The following EXOG variants were observed in gnomAD, a reference collection of about 807,000 sequenced individuals.
EXOG encodes nuclease EXOG, mitochondrial.
EXOG carries 27 observed loss-of-function variants against 25.8 expected under a neutral mutation model. That is an observed-to-expected ratio of 1.05 (90% CI 0.77 to 1.45). The LOEUF is 1.45. Ranked by LOEUF, EXOG falls within the 40% of genes most tolerant of loss-of-function variation. The probability of loss-of-function intolerance (pLI) is 0.00; values close to 1 mark genes in which losing one functional copy is unlikely to be tolerated. For synonymous variants in EXOG, 133 were observed against 167.0 expected (o/e 0.80, Z 1.57); for missense variants, 458 against 450.5 (o/e 1.02, Z -0.15).
chr3:38,497,629 G>A lies in EXOG; in HGVS notation c.164G>A (p.Gly55Glu). The A allele has an allele frequency of 1.3e-6, 2 of 1,506,874 alleles. No homozygotes were observed. Among genetic ancestry groups the A allele is most frequent in the South Asian group, 1.3e-5 (1 of 78,264 alleles). 93.3% of individuals were successfully genotyped at this position (1,506,874 alleles called of 1,614,324 possible). A position where few individuals can be genotyped will look rare whatever the true frequency, so the allele number is the denominator to read the frequency against. Residue 55 changes from glycine to glutamate, a missense_variant and splice_region_variant, in exon 2 of 6, where the codon GGA becomes GAA. Transcript: ENST00000287675. ...EGALTGKQPD[G>E]SAEKAVLEQF... ...CTTTTTTTTTTTTTTTCATTTTTAGGATCTGCAGAAAAGGCTGTCTTGGAA... is the reference window on the plus strand; with the variant it reads ...CTTTTTTTTTTTTTTTCATTTTTAGAATCTGCAGAAAAGGCTGTCTTGGAA...
intron 3 of EXOG, 90 bp downstream of exon 3, chr3:38,501,584 C>T (rs769745803): frequency 8.8e-6 from 10 of 1,142,474 alleles, no homozygotes; most frequent in Non-Finnish European, 1.0e-5. Flanking sequence ...GGAGCCAAAC[C>T]TTAAAACTTG....
intron 5 of EXOG, chr3:38,523,174 G>A (rs752341174): frequency 7.8e-7 from 1 of 1,284,412 alleles, no homozygotes. Context: ...TATTTCTAGA[G>A]CTGGGAGTAC....
rs556274788 is a variant in EXOG, at chr3:38,524,492, G to C, written c.*130G>C. 2 of 1,409,674 alleles carry C rather than the reference G, an allele frequency of 1.4e-6. No individual in the cohort carries two copies. The highest frequency in any genetic ancestry group is 2.5e-5 in the East Asian group (1 of 39,614). 87.3% of individuals were successfully genotyped at this position (1,409,674 alleles called of 1,614,324 possible). On this transcript the variant is annotated 3_prime_UTR_variant, in exon 6 of 6. Transcript: ENST00000287675. ...TCTTTAAGAGATGTGGTCTCGCCGTGTCATCCAGGCTGGAGTGCAGTGGTG... is the reference window on the plus strand; with the variant it reads ...TCTTTAAGAGATGTGGTCTCGCCGTCTCATCCAGGCTGGAGTGCAGTGGTG...
chr3:38,498,468 T>C (rs2059956312), intron 2 of EXOG, among the ~76,000 whole-genome samples: 1 of 151,620 alleles, frequency 6.6e-6, no homozygotes, highest in African/African-American at 2.4e-5. Flanking sequence ...GATGGGAGGA[T>C]CTCTTGAGCC....
At chr3:38,512,385 C>G (rs1559688958) in intron 5 of EXOG, among the ~76,000 whole-genome samples, 1 of 152,090 alleles carries the variant, frequency 6.6e-6, no homozygotes. Flanking sequence ...ACTCCTTATC[C>G]CACTGTCCAG....
intron 3 of EXOG, among the ~76,000 whole-genome samples, chr3:38,503,222 T>C (rs999963279): frequency 1.3e-5 from 2 of 152,244 alleles, no homozygotes; most frequent in African/African-American, 4.8e-5. Context: ...ACGTTTTCTC[T>C]GCCACTTTTG....
At chr3:38,504,615 T>G (rs1426717718) in intron 4 of EXOG, among the ~76,000 whole-genome samples, 1 of 152,082 alleles carries the variant, frequency 6.6e-6, no homozygotes, top group Non-Finnish European at 1.5e-5. Flanking sequence ...TTTGTATTTT[T>G]AGTAGACATG....
chr3:38,516,280 G>A (rs1433310702), intron 5 of EXOG, among the ~76,000 whole-genome samples: 2 of 151,968 alleles, frequency 1.3e-5, no homozygotes, highest in Non-Finnish European at 2.9e-5. Context: ...TTTTTAACTG[G>A]AAACCCTACT....
intron 5 of EXOG, among the ~76,000 whole-genome samples, chr3:38,513,554 A>G (rs180861803): frequency 1.6e-5 from 1 of 62,398 alleles, no homozygotes; most frequent in African/African-American, 1.6e-4. Flanking sequence ...CTCTTTTTAA[A>G]AATACTTTCT....
chr3:38,523,930 C>T lies in EXOG; in HGVS notation c.675C>T (p.Pro225=), dbSNP rs758843527. 1.1e-5 allele frequency: 18 copies of T among 1,573,408 alleles called. No homozygotes were observed. The highest frequency in any genetic ancestry group is 1.5e-5 in the Non-Finnish European group (17 of 1,159,842). The stretch of plus-strand genomic sequence containing the variant: ...TTGGCGAGGACAACGTGGCAGTCCC[C>T]TCACACCTTTATAAGGTAATCCTGG... The part of the protein sequence containing the change: ...QVIGEDNVAV[P]SHLYKVILAR... The change falls in exon 6 of 6, where the codon CCC becomes CCT. Residue 225 remains proline, a synonymous_variant. Transcript: ENST00000287675.
Position 38,524,214 on chromosome 3 carries a change from GAT to G in EXOG, c.960_961del (p.Val322AlafsTer16), listed in dbSNP as rs2060816341. ...AGTACAAGAAAGATTGAAGGAGCCC[GAT>G]CAGTGCTCAGACTGGAAAAGATCAT... On this transcript the variant is annotated frameshift_variant, in exon 6 of 6. Transcript: ENST00000287675. LOFTEE classifies it low-confidence loss of function (END_TRUNC). 6.2e-7 allele frequency: 1 copy of G among 1,613,958 alleles called. No individual in the cohort carries two copies. The highest frequency in any genetic ancestry group is 1.1e-5 in the South Asian group (1 of 91,076).
intron 2 of EXOG, 96 bp downstream of exon 2, chr3:38,497,874 C>T: frequency 7.1e-7 from 1 of 1,403,236 alleles, no homozygotes; most frequent in African/African-American, 1.5e-5. Flanking sequence ...CAACCTTTTT[C>T]ATATCATAGC....
chr3:38,511,116 C>A (rs1193228805), intron 5 of EXOG, among the ~76,000 whole-genome samples: 1 of 152,170 alleles, frequency 6.6e-6, no homozygotes, highest in African/African-American at 2.4e-5. Flanking sequence ...TGGCATGCTC[C>A]AAACTTATAT....
At position 38,505,820 on chromosome 3, in the gene EXOG, G is replaced by T. The variant is rs140377069; in HGVS notation, c.531-1034G>T. 2.1e-3 allele frequency among the ~76,000 whole-genome samples: 320 copies of T among 152,098 alleles called. 1 individual carries two copies. The highest frequency in any genetic ancestry group is 3.7e-3 in the Non-Finnish European group (249 of 67,984). The stretch of plus-strand genomic sequence containing the variant: ...GACACTAAAAATAAAAAAAAAATTA[G>T]CCGAGTGTGGTGGCACACACCTAAA... On this transcript the variant is annotated intron_variant, in intron 4 of 5. Coordinates refer to ENST00000287675, the MANE Select transcript of EXOG (RefSeq NM_005107.4).
intron 5 of EXOG, chr3:38,515,975 C>G (rs1400427494): frequency 3.3e-5 from 5 of 152,124 alleles, no homozygotes; most frequent in African/African-American, 1.2e-4. Flanking sequence ...TTTTGATACC[C>G]TTTATTTGCT....
chr3:38,502,863 A>C (rs964274713), intron 3 of EXOG, among the ~76,000 whole-genome samples: 2 of 152,114 alleles, frequency 1.3e-5, no homozygotes, highest in African/African-American at 4.8e-5. Flanking sequence ...TTGTTGCGTA[A>C]ACTATTGGTG....
chr3:38,498,881 G>A (rs747990807), intron 2 of EXOG: 6 of 456,402 alleles, frequency 1.3e-5, no homozygotes, highest in South Asian at 9.3e-5. Flanking sequence ...ATAGGGTCCT[G>A]TAGAATTGCC....
At chr3:38,504,872 T>C (rs1314321517) in intron 4 of EXOG, among the ~76,000 whole-genome samples, 1 of 152,180 alleles carries the variant, frequency 6.6e-6, no homozygotes, top group Admixed American at 6.5e-5. Flanking sequence ...TTTTTCCCCA[T>C]ATAGTACTTT....
intron 2 of EXOG, among the ~76,000 whole-genome samples, chr3:38,500,527 A>G (rs1381829390): frequency 1.3e-5 from 2 of 152,180 alleles, no homozygotes; most frequent in Non-Finnish European, 2.9e-5. Context: ...AAACTTTGGG[A>G]TCTGATACTA....
Sources: gnomAD v4.1 joint callset for allele counts (sites outside exome capture counted in the v4.1 genomes callset) on GRCh38, gnomAD v4.1.1 for gene constraint, MANE v1.5 for transcripts, NCBI Gene and HGNC (gene_info 2026-07-23, HGNC 2026-07-21) for gene names.